Variants in MRTFA observed in about 807,000 individuals in gnomAD.
MRTFA encodes the protein myocardin-related transcription factor A.
Under a neutral mutation model 83.5 loss-of-function variants are expected in MRTFA, and 20 were observed. The ratio of observed to expected loss-of-function variants is 0.24; its 90% CI spans 0.17 to 0.35. The LOEUF (loss-of-function observed/expected upper bound fraction) is 0.35. Among genes scored for constraint, MRTFA ranks in the 10% least tolerant of loss-of-function variants. The probability of loss-of-function intolerance (pLI) is 1.00; values close to 1 mark genes in which losing one functional copy is unlikely to be tolerated. For synonymous variants in MRTFA, 659 were observed against 541.2 expected, an observed-to-expected ratio of 1.22 and a Z score of -3.02; for missense variants, 1,200 against 1,224.7, an observed-to-expected ratio of 0.98 and a Z score of 0.30.
At chr22:40,429,369 G>C in intron 7 of MRTFA, 1 of 655,726 alleles carries the variant, frequency 1.5e-6, no homozygotes, top group South Asian at 1.7e-5. Context: ...ACAGAGCAAG[G>C]CCTCTGTTAT....
chr22:40,493,449 C>T (rs984402579), intron 3 of MRTFA, among the ~76,000 whole-genome samples: 1 of 152,190 alleles, frequency 6.6e-6, no homozygotes, highest in Non-Finnish European at 1.5e-5. Flanking sequence ...CTCACAGGGC[C>T]AACAGGGGCA....
intron 1 of MRTFA, among the ~76,000 whole-genome samples, chr22:40,597,333 G>A (rs2056205823): frequency 6.6e-6 from 1 of 152,172 alleles, no homozygotes; most frequent in Non-Finnish European, 1.5e-5. Flanking sequence ...AACAATTCAT[G>A]AACAAAAAAT....
chr22:40,515,565 CACCTGTAATCCCAGCT>C (rs2054744268), intron 3 of MRTFA, among the ~76,000 whole-genome samples: 1 of 151,940 alleles, frequency 6.6e-6, no homozygotes. Flanking sequence ...TGGTGGCATG[CACCTGTAATCCCAGCT>C]ACCTGGGTGG....
At chr22:40,626,672 C>T (rs780116161) in intron 1 of MRTFA, among the ~76,000 whole-genome samples, 1 of 152,130 alleles carries the variant, frequency 6.6e-6, no homozygotes, top group Non-Finnish European at 1.5e-5. Context: ...AAAAAGACTA[C>T]TTTAAATATA....
intron 1 of MRTFA, among the ~76,000 whole-genome samples, chr22:40,621,327 C>G (rs1226487054): frequency 6.6e-6 from 1 of 152,136 alleles, no homozygotes; most frequent in Non-Finnish European, 1.5e-5. Flanking sequence ...ACATGGATGA[C>G]TCTTGAGGAC....
chr22:40,587,172 C>T, intron 2 of MRTFA: 1 of 459,464 alleles, frequency 2.2e-6, no homozygotes. Flanking sequence ...TCATCTTGTG[C>T]ATGCAAAGAT....
At chr22:40,520,207 A>G (rs1393472336) in intron 3 of MRTFA, among the ~76,000 whole-genome samples, 1 of 152,196 alleles carries the variant, frequency 6.6e-6, no homozygotes, top group Non-Finnish European at 1.5e-5. Flanking sequence ...TTCACATACT[A>G]TAAAATTCAA....
rs554126657 is a variant in MRTFA at position 40,615,981 on chromosome 22, G to A, written c.-84+20497C>T. 2.4e-3 allele frequency among the ~76,000 whole-genome samples: 370 copies of A among 151,950 alleles called. 4 individuals are homozygous for A. The highest frequency in any genetic ancestry group is 3.7e-3 in the Non-Finnish European group (249 of 67,952). On this transcript the variant is annotated intron_variant, in intron 1 of 14. Transcript: ENST00000355630. ...ATTACAGGCGTGAGCCACTGCACCC[G>A]GCCAATATTTTCATTTAATTATTTC...
intron 2 of MRTFA, among the ~76,000 whole-genome samples, chr22:40,558,797 G>GT (rs60228865): frequency 0.012 from 1,704 of 142,944 alleles, 21 homozygotes; most frequent in Middle Eastern, 0.062. Flanking sequence ...GGTTTTTTGG[G>GT]TTTTTTTTTT....
intron 3 of MRTFA, among the ~76,000 whole-genome samples, chr22:40,525,326 T>A (rs1021463660): frequency 1.3e-5 from 2 of 152,110 alleles, no homozygotes; most frequent in African/African-American, 4.8e-5. Context: ...AAAATTATTT[T>A]AAAAAATTTT....
chr22:40,420,839 G>T lies in MRTFA; in HGVS notation c.1181+8C>A. On this transcript the variant is annotated splice_region_variant and intron_variant, in intron 10 of 14. Coordinates refer to ENST00000355630, the MANE Select transcript of MRTFA (RefSeq NM_020831.6). ...GGCAGGGGCAGGCAGTGAGGAGCGG[G>T]TGCCTACTTTGGCGGGGCAGGCAGG... 6.2e-7 allele frequency: 1 copy of T among 1,613,306 alleles called. No homozygotes were observed. Among genetic ancestry groups the T allele is most frequent in the Non-Finnish European group, 8.5e-7 (1 of 1,179,944 alleles).
At chr22:40,426,014 G>A (rs2052946143) in intron 7 of MRTFA, among the ~76,000 whole-genome samples, 1 of 152,174 alleles carries the variant, frequency 6.6e-6, no homozygotes, top group Admixed American at 6.5e-5. Context: ...AGAAGCTAAG[G>A]GCACACTGAG....
In MRTFA at chr22:40,420,472, G is replaced by A. The variant is rs1034649480; in HGVS notation, c.1286C>T (p.Ala429Val). 1.9e-6 allele frequency: 3 copies of A among 1,613,794 alleles called. No homozygotes were observed. The highest frequency in any genetic ancestry group is 1.7e-5 in the Admixed American group (1 of 60,036). The change falls in exon 11 of 15, where the codon GCA (alanine) becomes GTA (valine). Residue 429 changes from alanine (A) to valine (V), a missense_variant. Around this residue, in one of 2 missense-constraint regions of MRTFA, gnomAD observed 1,107 missense variants for 1,041.8 expected, o/e 1.06. Coordinates refer to ENST00000355630, the MANE Select transcript of MRTFA (RefSeq NM_020831.6). ...AGTCAGTGAGGTGCTGTTCTGACGT[G>A]CCAGCCCACAGGGCCCAGGGGCGCC...
At chr22:40,561,286 G>C (rs1156978615) in intron 2 of MRTFA, among the ~76,000 whole-genome samples, 1 of 151,632 alleles carries the variant, frequency 6.6e-6, no homozygotes, top group African/African-American at 2.4e-5. Flanking sequence ...TTTCCTGATA[G>C]CTTACTATAT....
intron 2 of MRTFA, chr22:40,587,325 G>A: frequency 2.2e-6 from 1 of 448,914 alleles, no homozygotes; most frequent in South Asian, 1.7e-5. Context: ...CTTACATTAA[G>A]CAGAATAATT....
rs181002623 is a variant in MRTFA, at chr22:40,447,058, T to G, written c.308-11504A>C. On this transcript the variant is annotated intron_variant, in intron 4 of 14. Transcript: ENST00000355630. ...ATGGAGTGGTCAGGGAAAGACTTTC[T>G]GATAAGGTGACATTTGGCTGGGGGT... 1.4e-4 allele frequency among the ~76,000 whole-genome samples: 22 copies of G among 152,210 alleles called. No homozygotes were observed. The East Asian group carries it at 3.9e-3, about 27-fold the overall frequency.
At chr22:40,533,536 A>G (rs2055118242) in intron 3 of MRTFA, 1 of 1,110,940 alleles carries the variant, frequency 9.0e-7, no homozygotes, top group African/African-American at 1.6e-5. Context: ...TGTGGCAAAT[A>G]AGATTTGTAG....
At chr22:40,538,668 T>C (rs1467660828) in intron 3 of MRTFA, among the ~76,000 whole-genome samples, 2 of 152,202 alleles carry the variant, frequency 1.3e-5, no homozygotes, top group African/African-American at 2.4e-5. Context: ...GCAACATTCA[T>C]TGTGAAAACA....
At chr22:40,591,899 AT>A (rs2056125920) in intron 2 of MRTFA, among the ~76,000 whole-genome samples, 1 of 152,218 alleles carries the variant, frequency 6.6e-6, no homozygotes, top group South Asian at 2.1e-4. Context: ...ACAGTATAGT[AT>A]CTCCAGGTAA....
Sources: gnomAD v4.1 joint callset for allele counts (sites outside exome capture counted in the v4.1 genomes callset) on GRCh38, gnomAD v4.1.1 for gene constraint, gnomAD v4.1.1 regional missense constraint, MANE v1.5 for transcripts, NCBI Gene and HGNC (gene_info 2026-07-23, HGNC 2026-07-21) for gene names.